The following CENPW variants were observed in gnomAD, a reference collection of about 807,000 sequenced individuals.
The protein encoded by CENPW is cancer-up-regulated gene 2 protein.
A neutral mutation model predicts 11.1 loss-of-function variants in CENPW; 3 were observed. That is an observed-to-expected ratio of 0.27 (90% CI 0.12 to 0.70). The LOEUF (loss-of-function observed/expected upper bound fraction) is 0.70. CENPW is among the 30% of genes least tolerant of loss of function. The probability of loss-of-function intolerance (pLI) is 0.77; values close to 1 mark genes in which losing one functional copy is unlikely to be tolerated. For missense variants in CENPW, 100 were observed against 105.6 expected (o/e 0.95, Z 0.23); for synonymous variants, 38 against 42.0 (o/e 0.91, Z 0.37).
the CENPW span, among the ~76,000 whole-genome samples, chr6:126,412,672 T>A: frequency 6.6e-6 from 1 of 152,206 alleles, no homozygotes; most frequent in Non-Finnish European, 1.5e-5. Context: ...TCTGGTTATG[T>A]CATTATGCCT....
the CENPW span, among the ~76,000 whole-genome samples, chr6:126,366,648 A>G: frequency 1.3e-5 from 2 of 152,194 alleles, no homozygotes; most frequent in African/African-American, 2.4e-5. Context: ...AATTCTTGCT[A>G]TGTGCTCAGC....
the CENPW span, among the ~76,000 whole-genome samples, chr6:126,404,345 A>G: frequency 4.6e-5 from 7 of 152,120 alleles, no homozygotes; most frequent in Admixed American, 3.3e-4. Context: ...TTGACATAGT[A>G]ATTCTTCTAA....
At chr6:126,340,554 C>A in intron 1 of CENPW, 155 bp downstream of exon 1, 4 of 1,018,256 alleles carry the variant, frequency 3.9e-6, no homozygotes, top group East Asian at 2.5e-5. Flanking sequence ...TATGCCCCAC[C>A]CTGGCATGTC....
chr6:126,372,245 A>G, the CENPW span, among the ~76,000 whole-genome samples: 3 of 152,190 alleles, frequency 2.0e-5, no homozygotes, highest in African/African-American at 7.2e-5. Flanking sequence ...GGAAACCCAG[A>G]TGACACCAGC....
the CENPW span, among the ~76,000 whole-genome samples, chr6:126,406,248 T>G: frequency 7.6e-4 from 101 of 133,550 alleles, 2 homozygotes; most frequent in South Asian, 0.026. Context: ...ATATATCACA[T>G]TTATTGTTTG....
chr6:126,385,313 TAATC>T, the CENPW span, among the ~76,000 whole-genome samples: 2 of 152,258 alleles, frequency 1.3e-5, no homozygotes, highest in South Asian at 2.1e-4. Flanking sequence ...ACACATATGT[TAATC>T]AGAGTGCTAT....
the CENPW span, among the ~76,000 whole-genome samples, chr6:126,445,365 T>C: frequency 2.0e-5 from 3 of 151,320 alleles, no homozygotes; most frequent in Admixed American, 1.3e-4. Context: ...CTTTGTTTTA[T>C]TGAAGGTTTG....
chr6:126,433,076 T>G, the CENPW span, among the ~76,000 whole-genome samples: 5 of 152,340 alleles, frequency 3.3e-5, no homozygotes, highest in East Asian at 9.6e-4. Context: ...TTCTTTGATT[T>G]GAGAGTTATC....
the CENPW span, among the ~76,000 whole-genome samples, chr6:126,390,242 C>G: frequency 6.6e-5 from 10 of 151,906 alleles, no homozygotes; most frequent in Non-Finnish European, 1.2e-4. Flanking sequence ...AGCTTGCTAA[C>G]TGGTCTCCCC....
chr6:126,448,570 T>C, the CENPW span, among the ~76,000 whole-genome samples: 1 of 151,028 alleles, frequency 6.6e-6, no homozygotes, highest in Non-Finnish European at 1.5e-5. Flanking sequence ...CCATGGTTCA[T>C]AGCACCAACT....
At chr6:126,411,992 CCA>C in the CENPW span, among the ~76,000 whole-genome samples, 1 of 106,556 alleles carries the variant, frequency 9.4e-6, no homozygotes, top group Non-Finnish European at 2.0e-5. Context: ...CTTCCTTCCC[CCA>C]CTCCCTTCCT....
the CENPW span, among the ~76,000 whole-genome samples, chr6:126,380,127 C>A: frequency 6.6e-6 from 1 of 152,166 alleles, no homozygotes; most frequent in Non-Finnish European, 1.5e-5. Context: ...CAATTTGGAA[C>A]AGAGACTGGA....
the CENPW span, among the ~76,000 whole-genome samples, chr6:126,433,661 A>AAT: frequency 6.6e-6 from 1 of 152,106 alleles, no homozygotes; most frequent in East Asian, 1.9e-4. Context: ...AAGAAATTTA[A>AAT]ATATATATAA....
At chr6:126,439,339 T>C in the CENPW span, among the ~76,000 whole-genome samples, 1 of 151,630 alleles carries the variant, frequency 6.6e-6, no homozygotes, top group Non-Finnish European at 1.5e-5. Flanking sequence ...ATGAAAATAT[T>C]CTCCAGAGAT....
At chr6:126,460,557 C>A in the CENPW span, among the ~76,000 whole-genome samples, 1 of 151,794 alleles carries the variant, frequency 6.6e-6, no homozygotes, top group Non-Finnish European at 1.5e-5. Flanking sequence ...GATTCTCCCT[C>A]ATCACTTAAG....
chr6:126,478,440 G>T, the CENPW span, among the ~76,000 whole-genome samples: 1 of 151,556 alleles, frequency 6.6e-6, no homozygotes, highest in Non-Finnish European at 1.5e-5. Flanking sequence ...CTCTGTGGGC[G>T]TGTGTATAAA....
At chr6:126,382,976 C>T in the CENPW span, among the ~76,000 whole-genome samples, 1 of 152,116 alleles carries the variant, frequency 6.6e-6, no homozygotes, top group Non-Finnish European at 1.5e-5. Flanking sequence ...CCCCAAGACA[C>T]ATAATCTTCA....
the CENPW span, among the ~76,000 whole-genome samples, chr6:126,416,813 A>C: frequency 6.6e-6 from 1 of 152,352 alleles, no homozygotes; most frequent in Non-Finnish European, 1.5e-5. Context: ...TCCAGGCAGA[A>C]GTTTGCTGCA....
chr6:126,468,997 T>C, the CENPW span, among the ~76,000 whole-genome samples: 31 of 152,114 alleles, frequency 2.0e-4, no homozygotes, highest in African/African-American at 7.0e-4. Context: ...GAGACAAGGT[T>C]TCACCAGGCT....
Sources: gnomAD v4.1 joint callset for allele counts (sites outside exome capture counted in the v4.1 genomes callset) on GRCh38, gnomAD v4.1.1 for gene constraint, MANE v1.5 for transcripts, NCBI Gene and HGNC (gene_info 2026-07-23, HGNC 2026-07-21) for gene names.